Variants in MGAT5 observed in about 807,000 individuals in gnomAD.
MGAT5 encodes alpha-1,6-mannosylglycoprotein 6-beta-N-acetylglucosaminyltransferase A.
MGAT5 carries 30 observed loss-of-function variants against 94.3 expected under a neutral mutation model. The ratio of observed to expected loss-of-function variants is 0.32; its 90% CI spans 0.24 to 0.43. MGAT5 has a LOEUF of 0.43. Ranked by LOEUF, MGAT5 falls within the 20% of genes least tolerant of loss-of-function variation. The pLI is 1.00. For missense variants in MGAT5, 691 were observed against 905.5 expected, an observed-to-expected ratio of 0.76 and a Z score of 3.04; for synonymous variants, 310 against 322.9, an observed-to-expected ratio of 0.96 and a Z score of 0.43.
At chr2:134,330,792 C>G (rs1007934214) in intron 4 of MGAT5, among the ~76,000 whole-genome samples, 3 of 151,990 alleles carry the variant, frequency 2.0e-5, no homozygotes, top group African/African-American at 4.8e-5. Context: ...ATACTTAAAT[C>G]ATCTGAAAAA....
At chr2:134,150,258 G>T (rs1687112551) in intron 1 of MGAT5, among the ~76,000 whole-genome samples, 1 of 152,174 alleles carries the variant, frequency 6.6e-6, no homozygotes, top group African/African-American at 2.4e-5. Context: ...TATCAGCAAG[G>T]CCATTGAGAC....
intron 1 of MGAT5, among the ~76,000 whole-genome samples, chr2:134,262,544 A>G (rs1035003583): frequency 1.3e-5 from 2 of 151,892 alleles, no homozygotes; most frequent in East Asian, 3.9e-4. Context: ...ACACTAGGCT[A>G]ATTTAAAACA....
At chr2:134,295,903 T>A (rs776007468) in intron 2 of MGAT5, among the ~76,000 whole-genome samples, 1 of 152,218 alleles carries the variant, frequency 6.6e-6, no homozygotes, top group Non-Finnish European at 1.5e-5. Context: ...CCTAAGAATC[T>A]GTGGTTTTAT....
upstream of MGAT5, among the ~76,000 whole-genome samples, chr2:134,249,985 G>A (rs543592386): frequency 2.0e-5 from 3 of 152,278 alleles, no homozygotes; most frequent in Admixed American, 6.5e-5. Flanking sequence ...GTTTTGATTT[G>A]CATTTCCTCT....
chr2:134,177,491 G>A (rs1261742670), intron 1 of MGAT5, among the ~76,000 whole-genome samples: 9 of 152,306 alleles, frequency 5.9e-5, no homozygotes, highest in South Asian at 2.1e-4. Flanking sequence ...GCAGGGAAGC[G>A]AGGTCCAGCT....
chr2:134,130,532 A>G (rs977107519), intron 1 of MGAT5, among the ~76,000 whole-genome samples: 4 of 152,228 alleles, frequency 2.6e-5, no homozygotes, highest in Non-Finnish European at 4.4e-5. Flanking sequence ...GTATGCACCA[A>G]TCAGCACTCT....
At chr2:134,131,092 A>G (rs561008254) in intron 1 of MGAT5, among the ~76,000 whole-genome samples, 3 of 152,212 alleles carry the variant, frequency 2.0e-5, no homozygotes, top group African/African-American at 4.8e-5. Context: ...CTTTGGGTCC[A>G]CACTGCCTTT....
At chr2:134,219,739 T>C (rs901339550) in intron 1 of MGAT5, among the ~76,000 whole-genome samples, 1 of 152,170 alleles carries the variant, frequency 6.6e-6, no homozygotes, top group Non-Finnish European at 1.5e-5. Flanking sequence ...CTGAAAAAAT[T>C]ACGGAATCAC....
rs374106148 is a variant in MGAT5 at position 134,373,847 on chromosome 2, T to G, written c.1380+11439T>G. On this transcript the variant is annotated intron_variant, in intron 10 of 15. Coordinates refer to ENST00000281923, the MANE Select transcript of MGAT5 (RefSeq NM_002410.5). ...GCCTTCTCAGCTGGGGAAGGAGAAC[T>G]GGGGGCTTCATTTGGTTCAAGGGTG... Among the ~76,000 whole-genome samples the G allele has an allele frequency of 4.9e-4, 74 of 152,302 alleles. 1 individual carries two copies. Among genetic ancestry groups the G allele is most frequent in the African/African-American group, 1.7e-3 (70 of 41,574 alleles).
intron 1 of MGAT5, among the ~76,000 whole-genome samples, chr2:134,123,054 A>G (rs1476198606): frequency 6.6e-6 from 1 of 152,216 alleles, no homozygotes. Context: ...TGCATATGCC[A>G]TGTTCTTTGG....
At chr2:134,140,708 T>G (rs2104953535) in intron 1 of MGAT5, among the ~76,000 whole-genome samples, 1 of 152,364 alleles carries the variant, frequency 6.6e-6, no homozygotes, top group Middle Eastern at 3.4e-3. Flanking sequence ...CCAGGCAGTG[T>G]TCTGGATACT....
intron 1 of MGAT5, among the ~76,000 whole-genome samples, chr2:134,181,274 G>A (rs1688720126): frequency 6.6e-6 from 1 of 152,146 alleles, no homozygotes; most frequent in South Asian, 2.1e-4. Flanking sequence ...TGCACAGGAC[G>A]GTCCCCACAG....
intron 1 of MGAT5, among the ~76,000 whole-genome samples, chr2:134,223,913 C>T (rs1159044445): frequency 6.6e-6 from 1 of 152,128 alleles, no homozygotes; most frequent in East Asian, 1.9e-4. Flanking sequence ...TGTTATTGAA[C>T]TTATACAGAC....
chr2:134,161,910 G>A (rs1573770598), intron 1 of MGAT5, among the ~76,000 whole-genome samples: 1 of 152,198 alleles, frequency 6.6e-6, no homozygotes, highest in East Asian at 1.9e-4. Flanking sequence ...CACATGTTTG[G>A]CCGGGCGCAG....
chr2:134,185,860 T>C (rs2105196995), intron 1 of MGAT5, among the ~76,000 whole-genome samples: 1 of 152,332 alleles, frequency 6.6e-6, no homozygotes, highest in African/African-American at 2.4e-5. Context: ...ATGCAGAGGC[T>C]GCTGTCCACA....
At chr2:134,329,825 A>G (rs975166136) in intron 4 of MGAT5, among the ~76,000 whole-genome samples, 2 of 152,090 alleles carry the variant, frequency 1.3e-5, no homozygotes, top group African/African-American at 4.8e-5. Flanking sequence ...GTCGGACCAA[A>G]ATATTAATCA....
At chr2:134,200,327 A>G (rs1035913073) in intron 1 of MGAT5, among the ~76,000 whole-genome samples, 1 of 152,098 alleles carries the variant, frequency 6.6e-6, no homozygotes, top group Non-Finnish European at 1.5e-5. Flanking sequence ...TCAGACAGGG[A>G]TGTCTGCAAG....
chr2:134,254,193 A>T lies in MGAT5; in HGVS notation c.-211A>T. On this transcript the variant is annotated 5_prime_UTR_variant, in exon 1 of 16. Coordinates refer to ENST00000281923, the MANE Select transcript of MGAT5 (RefSeq NM_002410.5). The stretch of plus-strand genomic sequence containing the variant: ...TTTACTTAGAGGTATTCAAGTGAAA[A>T]CATGGCTTCTGGTTTATTTTGCTGT... 1 of 602,634 alleles carries T rather than the reference A, an allele frequency of 1.7e-6. No homozygotes were observed. The highest frequency in any genetic ancestry group is 2.9e-6 in the Non-Finnish European group (1 of 342,060). The allele number at this position is 602,634 out of a possible 1,614,324, so 37.3% of individuals were successfully genotyped here. A position where few individuals can be genotyped will look rare whatever the true frequency, so the allele number is the denominator to read the frequency against.
At chr2:134,320,136 G>T (rs4953912) in intron 4 of MGAT5, 24,719 of 154,558 alleles carry the variant, frequency 0.16, 2,085 homozygotes, top group Middle Eastern at 0.35. Flanking sequence ...CTTGTAGAGG[G>T]ATCAGTGTGT....
Sources: gnomAD v4.1 joint callset for allele counts (sites outside exome capture counted in the v4.1 genomes callset) on GRCh38, gnomAD v4.1.1 for gene constraint, MANE v1.5 for transcripts, NCBI Gene and HGNC (gene_info 2026-07-23, HGNC 2026-07-21) for gene names.